MGAM2: variants seen among roughly 807,000 people sequenced by gnomAD.
MGAM2 encodes the protein probable maltase-glucoamylase 2.
MGAM2 carries 98 observed loss-of-function variants against 96.1 expected under a neutral mutation model. The observed-to-expected ratio is 1.02, with a 90% CI of 0.87 to 1.21. The LOEUF (loss-of-function observed/expected upper bound fraction) is 1.21, where lower values mean the gene tolerates loss of function less well. Ranked by LOEUF, MGAM2 falls within the 50% of genes most tolerant of loss-of-function variation. MGAM2 has a pLI of 0.00. For synonymous variants in MGAM2, 749 were observed against 414.8 expected (o/e 1.81, Z -9.79); for missense variants, 2,055 against 1,182.4 (o/e 1.74, Z -10.82).
At chr7:142,172,863 G>A in intron 30 of MGAM2, 99 bp downstream of exon 30, 1 of 588,022 alleles carries the variant, frequency 1.7e-6, no homozygotes, top group Non-Finnish European at 3.0e-6. Flanking sequence ...TTTGACTCTT[G>A]AGTGTCACTA....
intron 33 of MGAM2, 96 bp from the exon 34 acceptor site, chr7:142,184,981 A>G (rs566009921): frequency 2.1e-5 from 12 of 563,538 alleles, no homozygotes; most frequent in Admixed American, 5.6e-5. Flanking sequence ...CAAGCGTTTC[A>G]TGGAGATGCC....
intron 19 of MGAM2, among the ~76,000 whole-genome samples, 177 bp from the exon 20 acceptor site, chr7:142,159,110 A>G (rs1795818225): frequency 1.3e-5 from 2 of 152,172 alleles, no homozygotes; most frequent in Non-Finnish European, 2.9e-5. Flanking sequence ...TTTTAGCTAC[A>G]TTCTGCTTTG....
rs757399697 is a variant in MGAM2, at chr7:142,158,234, T to C, written c.2079-14T>C. The C allele has an allele frequency of 1.6e-5, 11 of 703,042 alleles. No individual in the cohort carries two copies. The highest frequency in any genetic ancestry group is 2.3e-4 in the Middle Eastern group (1 of 4,368). 43.6% of individuals were successfully genotyped at this position (703,042 alleles called of 1,614,324 possible). Reference sequence around the variant, plus strand: ...GAGACTTCACCTGCCTTCACTGTGCTACCTCTTTACTAGGTTCTACCAGGA... The same window carrying C: ...GAGACTTCACCTGCCTTCACTGTGCCACCTCTTTACTAGGTTCTACCAGGA... On this transcript the variant is annotated splice_polypyrimidine_tract_variant and intron_variant, in intron 18 of 47. Coordinates refer to ENST00000477922, the MANE Select transcript of MGAM2 (RefSeq NM_001293626.2).
At chr7:142,152,982 GC>G (rs1795624613) in intron 15 of MGAM2, among the ~76,000 whole-genome samples, 1 of 139,652 alleles carries the variant, frequency 7.2e-6, no homozygotes, top group Admixed American at 8.0e-5. Flanking sequence ...TAATTTCTTT[GC>G]TTTTATTCCT....
intron 37 of MGAM2, among the ~76,000 whole-genome samples, chr7:142,191,549 A>T (rs949137439): frequency 2.0e-5 from 3 of 152,116 alleles, no homozygotes; most frequent in African/African-American, 7.2e-5. Flanking sequence ...TTGACAGTAA[A>T]TGAGAAGGCT....
At chr7:142,185,942 T>G (rs1024875626) in intron 34 of MGAM2, 47 bp from the exon 35 acceptor site, 2 of 697,394 alleles carry the variant, frequency 2.9e-6, no homozygotes, top group South Asian at 1.5e-5. Flanking sequence ...TGTGGTCTCC[T>G]GTATAGGCTG....
rs755953525 is a variant in MGAM2, at chr7:142,197,525, A to G, written c.4758A>G (p.Thr1586=). The G allele has an allele frequency of 9.8e-5, 69 of 703,194 alleles. No homozygotes were observed. Among genetic ancestry groups the G allele is most frequent in the East Asian group, 2.4e-4 (9 of 37,278 alleles). 43.6% of individuals were successfully genotyped at this position (703,194 alleles called of 1,614,324 possible). A position where few individuals can be genotyped will look rare whatever the true frequency, so the allele number is the denominator to read the frequency against. ...ATAAAGCTCACGTTGAGGGCAGCAC[A>G]GTTGTCCGGCCCCTTCTCCATGAGT... is the stretch of plus-strand genomic sequence containing the variant. ...LMHKAHVEGS[T]VVRPLLHEFT... The change falls in exon 41 of 48, where the codon ACA becomes ACG. Residue 1586 remains threonine, a synonymous_variant. Coordinates refer to ENST00000477922, the MANE Select transcript of MGAM2 (RefSeq NM_001293626.2).
intron 32 of MGAM2, among the ~76,000 whole-genome samples, chr7:142,176,773 T>C (rs1796391902): frequency 1.3e-5 from 2 of 152,208 alleles, no homozygotes; most frequent in South Asian, 4.1e-4. Flanking sequence ...CTCTCTCTGC[T>C]TGAGGATTAA....
intron 31 of MGAM2, among the ~76,000 whole-genome samples, chr7:142,174,633 T>C (rs1796304767): frequency 6.6e-6 from 1 of 151,896 alleles, no homozygotes; most frequent in African/African-American, 2.4e-5. Context: ...AGTATCTAGA[T>C]ACAGGATTAT....
chr7:142,183,622 G>T (rs575973593), intron 33 of MGAM2, among the ~76,000 whole-genome samples: 1 of 152,132 alleles, frequency 6.6e-6, no homozygotes, highest in South Asian at 2.1e-4. Context: ...TATTCCACAT[G>T]GTCATTAACA....
rs774971267 is a variant in MGAM2, at chr7:142,134,052, C to T, written c.647C>T (p.Ala216Val). The T allele has an allele frequency of 2.6e-6, 2 of 759,040 alleles. No homozygotes were observed. Among genetic ancestry groups the T allele is most frequent in the South Asian group, 2.7e-5 (2 of 73,450 alleles). 47.0% of individuals were successfully genotyped at this position (759,040 alleles called of 1,614,324 possible). Residue 216 changes from alanine to valine, a missense_variant, in exon 7 of 48, where the codon GCC (alanine) becomes GTC (valine). Transcript: ENST00000477922. ...YLQLSFRLPS[A>V]NVYGLGEHVH... ...CAACTGTCTTTCCGACTGCCCAGTG[C>T]CAATGTGTATGGGCTGGGAGAGCAT...
chr7:142,111,998 CTGTGTGTG>C (rs57967255), intron 1 of MGAM2, among the ~76,000 whole-genome samples, 191 bp downstream of exon 1: 2,805 of 133,664 alleles, frequency 0.021, 40 homozygotes, highest in Non-Finnish European at 0.027. Context: ...AGAGGAGAGA[CTGTGTGTG>C]TGTGTGTGTG....
chr7:142,134,004 T>G lies in MGAM2; in HGVS notation c.599T>G (p.Leu200Arg), dbSNP rs1163818215. The G allele has an allele frequency of 2.8e-6, 2 of 721,318 alleles. No homozygotes were observed. The highest frequency in any genetic ancestry group is 1.9e-5 in the Admixed American group (1 of 51,940). The allele number at this position is 721,318 out of a possible 1,614,324, so 44.7% of individuals were successfully genotyped here. A position where few individuals can be genotyped will look rare whatever the true frequency, so the allele number is the denominator to read the frequency against. The change falls in exon 7 of 48, where the codon CTC (leucine) becomes CGC (arginine). Residue 200 changes from leucine to arginine, a missense_variant. Coordinates refer to ENST00000477922, the MANE Select transcript of MGAM2 (RefSeq NM_001293626.2). Reference protein sequence around the residue: ...RVLLDTSIGPLQFAQQYLQLS... With the variant: ...RVLLDTSIGPRQFAQQYLQLS... The stretch of plus-strand genomic sequence containing the variant: ...AGGTTGGACACGAGCATCGGGCCCC[T>G]CCAGTTTGCCCAGCAGTACCTGCAA...
chr7:142,142,524 G>GTTTTT (rs746342532), intron 12 of MGAM2, among the ~76,000 whole-genome samples: 20 of 78,896 alleles, frequency 2.5e-4, no homozygotes, highest in East Asian at 8.8e-4. Context: ...AGTGGTGTGT[G>GTTTTT]TTTTTTTTTT....
At chr7:142,201,082 C>CTTTTTTTTT (rs1314170979) in intron 45 of MGAM2, among the ~76,000 whole-genome samples, 4 of 108,540 alleles carry the variant, frequency 3.7e-5, no homozygotes, top group East Asian at 2.7e-4. Flanking sequence ...TTTTTTTTTT[C>CTTTTTTTTT]TTTTTTTTTT....
In MGAM2 at chr7:142,134,062, T is replaced by TGGGCTGGGAGAGCATGTGCAC. The variant is rs1563252522; in HGVS notation, c.658_678dup (p.Gly220_His226dup). Reference sequence around the variant, plus strand: ...TCCGACTGCCCAGTGCCAATGTGTATGGGCTGGGAGAGCATGTGCACCAGC... The same window carrying TGGGCTGGGAGAGCATGTGCAC: ...TCCGACTGCCCAGTGCCAATGTGTATGGGCTGGGAGAGCATGTGCACGGGCTGGGAGAGCATGTGCACCAGC... On this transcript the variant is annotated inframe_insertion, in exon 7 of 48. Transcript: ENST00000477922. 2.6e-6 allele frequency: 2 copies of TGGGCTGGGAGAGCATGTGCAC among 762,036 alleles called. No homozygotes were observed. Among genetic ancestry groups the TGGGCTGGGAGAGCATGTGCAC allele is most frequent in the Non-Finnish European group, 4.8e-6 (2 of 416,000 alleles). The allele number at this position is 762,036 out of a possible 1,614,324, so 47.2% of individuals were successfully genotyped here. A position where few individuals can be genotyped will look rare whatever the true frequency, so the allele number is the denominator to read the frequency against.
chr7:142,114,319 T>A (rs1382996061), intron 1 of MGAM2, among the ~76,000 whole-genome samples: 2 of 151,886 alleles, frequency 1.3e-5, no homozygotes, highest in Admixed American at 1.3e-4. Context: ...ATGTGGAAAG[T>A]TTCATGGAGG....
chr7:142,115,794 G>A (rs1165578340), intron 1 of MGAM2, among the ~76,000 whole-genome samples: 1 of 152,118 alleles, frequency 6.6e-6, no homozygotes, highest in African/African-American at 2.4e-5. Context: ...TCGGTGAGGC[G>A]AGATCGTGCC....
intron 10 of MGAM2, among the ~76,000 whole-genome samples, chr7:142,139,922 C>G (rs537518204): frequency 3.1e-4 from 47 of 151,882 alleles, no homozygotes; most frequent in African/African-American, 1.1e-3. Context: ...AATTTTCTTC[C>G]GCAAATAGAA....
Sources: allele counts gnomAD v4.1 joint callset (sites outside exome capture counted in the v4.1 genomes callset), GRCh38; gene constraint gnomAD v4.1.1; transcripts MANE v1.5; gene names NCBI Gene and HGNC (gene_info 2026-07-23, HGNC 2026-07-21).